The following GMPPA variants were observed in gnomAD, a reference collection of about 807,000 sequenced individuals.
GMPPA encodes mannose-1-phosphate guanylyltransferase regulatory subunit alpha.
A neutral mutation model predicts 58.6 loss-of-function variants in GMPPA; 46 were observed. The observed-to-expected ratio is 0.78, with a 90% CI of 0.62 to 1.00. The LOEUF (loss-of-function observed/expected upper bound fraction) is 1.00. Ranked by LOEUF, GMPPA falls within the 50% of genes least tolerant of loss-of-function variation. GMPPA has a pLI of 0.00. For missense variants in GMPPA, 468 were observed against 556.4 expected (o/e 0.84, Z 1.60); for synonymous variants, 211 against 214.9 (o/e 0.98, Z 0.16).
At chr2:219,503,413 C>T (rs981323880) in intron 6 of GMPPA, among the ~76,000 whole-genome samples, 1 of 152,170 alleles carries the variant, frequency 6.6e-6, no homozygotes, top group Non-Finnish European at 1.5e-5. Flanking sequence ...GCATGAGCCA[C>T]CACCATACCT....
At chr2:219,501,806 G>C (rs1406938957) in intron 4 of GMPPA, 45 bp from the exon 5 acceptor site, 10 of 1,576,358 alleles carry the variant, frequency 6.3e-6, no homozygotes, top group East Asian at 2.2e-5. Context: ...CATGGTATCT[G>C]TTTCCTAAGA....
chr2:219,501,632 A>G (rs994492011), intron 4 of GMPPA, 53 bp downstream of exon 4: 1 of 1,138,670 alleles, frequency 8.8e-7, no homozygotes, highest in South Asian at 1.2e-5. Flanking sequence ...TAGGCCTCTG[A>G]GTTCTTGGAA....
chr2:219,504,809 A>ATC (rs779264996), intron 7 of GMPPA: 29 of 1,020,780 alleles, frequency 2.8e-5, no homozygotes, highest in Non-Finnish European at 3.0e-5. Flanking sequence ...CATCTCTACC[A>ATC]TCTCTCTCTC....
At chr2:219,500,060 T>A in intron 2 of GMPPA, 45 bp downstream of exon 2, 2 of 1,605,010 alleles carry the variant, frequency 1.2e-6, no homozygotes, top group Non-Finnish European at 1.7e-6. Context: ...GCTGGAGTGG[T>A]AGGCGGGATG....
chr2:219,506,593 G>A, intron 12 of GMPPA, 105 bp from the exon 13 acceptor site: 3 of 947,648 alleles, frequency 3.2e-6, no homozygotes, highest in East Asian at 5.1e-5. Flanking sequence ...GAGACCAGGG[G>A]CACAGATGGG....
At chr2:219,503,039 G>C (rs981588549) in intron 6 of GMPPA, among the ~76,000 whole-genome samples, 7 of 152,092 alleles carry the variant, frequency 4.6e-5, no homozygotes, top group African/African-American at 1.7e-4. Context: ...CATGATCTTG[G>C]GTCACTGCAT....
In GMPPA at chr2:219,505,992, G is replaced by A. The variant is rs188604251; in HGVS notation, c.913G>A (p.Val305Ile). Reference protein sequence around the residue: ...VAPSAVLGPNVSIGKGVTVGE... With the variant: ...VAPSAVLGPNISIGKGVTVGE... ...CTTCTCTCCACAGCTGGGCCCCAAC[G>A]TCTCCATCGGGAAGGGGGTGACCGT... The change falls in exon 11 of 13, where the codon GTC becomes ATC. Residue 305 changes from valine (V) to isoleucine (I), a missense_variant. By Grantham distance (29) the Val-to-Ile change is conservative (BLOSUM62 3). Coordinates refer to ENST00000313597, the MANE Select transcript of GMPPA (RefSeq NM_013335.4). 20 of 1,584,078 alleles carry A rather than the reference G, an allele frequency of 1.3e-5. No individual in the cohort carries two copies. Among genetic ancestry groups the A allele is most frequent in the Middle Eastern group, 1.7e-4 (1 of 6,022 alleles).
In GMPPA at chr2:219,505,764, G is replaced by A. The variant is rs1184572812; in HGVS notation, c.900+3G>A. 7 of 1,602,602 alleles carry A rather than the reference G, an allele frequency of 4.4e-6. No individual in the cohort carries two copies. The highest frequency in any genetic ancestry group is 6.0e-6 in the Non-Finnish European group (7 of 1,174,736). On this transcript the variant is annotated splice_donor_region_variant and intron_variant, in intron 10 of 12. Transcript: ENST00000313597. Reference sequence around the variant, plus strand: ...CCAAGGTGGCCCCCTCGGCTGTGGTGAGCACTGGTCCCAGCCCCAGGGAGG... The same window carrying A: ...CCAAGGTGGCCCCCTCGGCTGTGGTAAGCACTGGTCCCAGCCCCAGGGAGG...
At chr2:219,506,218 C>A in intron 11 of GMPPA, 36 bp from the exon 12 acceptor site, 1 of 1,577,554 alleles carries the variant, frequency 6.3e-7, no homozygotes, top group Non-Finnish European at 8.6e-7. Context: ...CTGCCTCCTG[C>A]CTCTTCCCCT....
In GMPPA at chr2:219,506,722, A is replaced by C; in HGVS notation, c.1187A>C (p.Glu396Ala). 1 of 1,604,666 alleles carries C rather than the reference A, an allele frequency of 6.2e-7. No individual in the cohort carries two copies. Among genetic ancestry groups the C allele is most frequent in the South Asian group, 1.1e-5 (1 of 90,878 alleles). The stretch of plus-strand genomic sequence containing the variant: ...GGCTGCCGAGTCCGGATCCCTGCCG[A>C]GGTGCTCATCCTGAACTCGATTGTT... Reference protein sequence around the residue: ...ILGCRVRIPAEVLILNSIVLP... With the variant: ...ILGCRVRIPAAVLILNSIVLP... The change falls in exon 13 of 13, where the codon GAG becomes GCG. Residue 396 changes from glutamate (E) to alanine (A), a missense_variant. Glu to Ala is a moderately radical substitution (Grantham distance 107). Coordinates refer to ENST00000313597, the MANE Select transcript of GMPPA (RefSeq NM_013335.4).
chr2:219,504,132 AC>A lies in GMPPA; in HGVS notation c.540del (p.Cys181AlafsTer11). The A allele has an allele frequency of 6.2e-7, 1 of 1,613,952 alleles. No homozygotes were observed. ...KPSTFISDII[N>X]CGIYLFSPEA... is the part of the protein sequence containing the mutation. Reference sequence around the variant, plus strand: ...AGCACATTTATCAGTGACATCATCAACTGCGGCATCTACCTCTTTTCTCCTG... The same window carrying A: ...AGCACATTTATCAGTGACATCATCAATGCGGCATCTACCTCTTTTCTCCTG... On this transcript the variant is annotated frameshift_variant, in exon 7 of 13. Coordinates refer to ENST00000313597, the MANE Select transcript of GMPPA (RefSeq NM_013335.4). LOFTEE classifies it high-confidence loss of function.
At chr2:219,501,237 TGG>T (rs1268561835) in intron 3 of GMPPA, 1 of 485,442 alleles carries the variant, frequency 2.1e-6, no homozygotes, top group Non-Finnish European at 3.7e-6. Flanking sequence ...CACTCCAGCC[TGG>T]GCAACAGAGC....
At chr2:219,506,504 G>C in intron 12 of GMPPA, 82 bp downstream of exon 12, 1 of 1,369,936 alleles carries the variant, frequency 7.3e-7, no homozygotes, top group South Asian at 1.3e-5. Context: ...TCCTCTGTGT[G>C]CACGCGTGTT....
rs1002558819 is a variant in GMPPA at position 219,501,405 on chromosome 2, A to C, written c.139-71A>C. 1.0e-5 allele frequency: 10 copies of C among 986,518 alleles called. No homozygotes were observed. The African/African-American group carries it at 1.4e-4, about 14-fold the overall frequency. 61.1% of individuals were successfully genotyped at this position (986,518 alleles called of 1,614,324 possible). A position where few individuals can be genotyped will look rare whatever the true frequency, so the allele number is the denominator to read the frequency against. ...GAAACTGGTTTCTGGACTTTGGGCC[A>C]GCACCAAGGATTTCCCCAACATCCC... On this transcript the variant is annotated intron_variant, in intron 3 of 12. Coordinates refer to ENST00000313597, the MANE Select transcript of GMPPA (RefSeq NM_013335.4).
At position 219,501,762 on chromosome 2, in the gene GMPPA, T is replaced by C; in HGVS notation, c.243-89T>C. On this transcript the variant is annotated intron_variant, in intron 4 of 12. Coordinates refer to ENST00000313597, the MANE Select transcript of GMPPA (RefSeq NM_013335.4). ...TGTGGGCCTTGGGCAGGAGTAGTCC[T>C]GGGAGCAAGCGGTGGCGGTCAGGTG... 2.5e-6 allele frequency: 3 copies of C among 1,196,354 alleles called. No individual in the cohort carries two copies. In the South Asian group the frequency reaches 3.9e-5, roughly 16 times the overall value. The allele number at this position is 1,196,354 out of a possible 1,614,324, so 74.1% of individuals were successfully genotyped here.
chr2:219,506,517 T>C, intron 12 of GMPPA, 95 bp downstream of exon 12: 1 of 1,293,056 alleles, frequency 7.7e-7, no homozygotes, highest in Non-Finnish European at 1.1e-6. Flanking sequence ...CGCGTGTTTC[T>C]TCTTTTAGCA....
rs1440450835 is a variant in GMPPA, at chr2:219,505,319, G to A, written c.712G>A (p.Val238Met). ...SALAGQGQIY[V>M]HLTDGIWSQI... The stretch of plus-strand genomic sequence containing the variant: ...CCTGGCAGGGCAGGGCCAGATATAC[G>A]TGCATCTCACTGATGGTATCTGGAG... The change falls in exon 8 of 13, where the codon GTG (valine) becomes ATG (methionine). Residue 238 changes from valine to methionine, a missense_variant. Transcript: ENST00000313597. 28 of 1,613,892 alleles carry A rather than the reference G, an allele frequency of 1.7e-5. No individual in the cohort carries two copies. Among genetic ancestry groups the A allele is most frequent in the Middle Eastern group, 1.6e-4 (1 of 6,082 alleles).
At position 219,506,622 on chromosome 2, in the gene GMPPA, G is replaced by T. The variant is rs1694603135; in HGVS notation, c.1163-76G>T. 6 of 1,007,002 alleles carry T rather than the reference G, an allele frequency of 6.0e-6. No individual in the cohort carries two copies. In the Admixed American group the frequency reaches 1.1e-4, roughly 19 times the overall value. The allele number at this position is 1,007,002 out of a possible 1,614,324, so 62.4% of individuals were successfully genotyped here. On this transcript the variant is annotated intron_variant, in intron 12 of 12. Transcript: ENST00000313597. Reference sequence around the variant, plus strand: ...AGATGGGCAGGAGGGCTCCCTCCCTGCTGGCAGTGGCCCCCAGCTCCCTGC... The same window carrying T: ...AGATGGGCAGGAGGGCTCCCTCCCTTCTGGCAGTGGCCCCCAGCTCCCTGC...
intron 3 of GMPPA, 115 bp from the exon 4 acceptor site, chr2:219,501,361 G>A (rs1694383515): frequency 2.8e-6 from 2 of 714,996 alleles, no homozygotes; most frequent in Non-Finnish European, 5.1e-6. Flanking sequence ...GAGTGCCCTG[G>A]GGCCCCACAG....
Sources: gnomAD v4.1 joint callset for allele counts (sites outside exome capture counted in the v4.1 genomes callset) on GRCh38, gnomAD v4.1.1 for gene constraint, MANE v1.5 for transcripts, NCBI Gene and HGNC (gene_info 2026-07-23, HGNC 2026-07-21) for gene names.